Variants in ARHGAP44 observed in about 807,000 individuals in gnomAD.
ARHGAP44 encodes the protein Rho GTPase activating protein 44, also known as rho GTPase-activating protein 44.
ARHGAP44 carries 43 observed loss-of-function variants against 106.8 expected under a neutral mutation model. The observed-to-expected ratio is 0.40, with a 90% CI of 0.32 to 0.52. The LOEUF is 0.52. Ranked by LOEUF, ARHGAP44 falls within the 20% of genes least tolerant of loss-of-function variation. The probability of loss-of-function intolerance (pLI) is 0.48; values close to 1 mark genes in which losing one functional copy is unlikely to be tolerated. For missense variants in ARHGAP44, 866 were observed against 1,050.5 expected (o/e 0.82, Z 2.43); for synonymous variants, 439 against 410.3 (o/e 1.07, Z -0.85).
intron 7 of ARHGAP44, among the ~76,000 whole-genome samples, chr17:12,936,397 T>G (rs1421031168): frequency 6.6e-6 from 1 of 152,248 alleles, no homozygotes; most frequent in Non-Finnish European, 1.5e-5. Context: ...CTTTTTATTG[T>G]TTACATGCTT....
At chr17:12,989,333 A>G (rs1202789783) in intron 20 of ARHGAP44, among the ~76,000 whole-genome samples, 1 of 152,114 alleles carries the variant, frequency 6.6e-6, no homozygotes, top group African/African-American at 2.4e-5. Flanking sequence ...CTGCCAGTCT[A>G]AGGACTTCTG....
At chr17:12,900,582 C>G (rs1398642600) in intron 3 of ARHGAP44, among the ~76,000 whole-genome samples, 16 of 152,198 alleles carry the variant, frequency 1.1e-4, no homozygotes, top group Non-Finnish European at 2.4e-4. Context: ...GGAAGTGTTT[C>G]TCCACCTTAT....
At chr17:12,801,184 A>G (rs2034083360) in intron 1 of ARHGAP44, among the ~76,000 whole-genome samples, 1 of 152,242 alleles carries the variant, frequency 6.6e-6, no homozygotes, top group African/African-American at 2.4e-5. Context: ...GAAAACATAG[A>G]GTCTGAGAAA....
chr17:12,866,780 G>A (rs2036250216), intron 1 of ARHGAP44, among the ~76,000 whole-genome samples: 1 of 152,148 alleles, frequency 6.6e-6, no homozygotes. Context: ...CCCTGGGAAG[G>A]TAAATGTGTG....
At chr17:12,866,770 C>T (rs553418898) in intron 1 of ARHGAP44, among the ~76,000 whole-genome samples, 58 of 152,192 alleles carry the variant, frequency 3.8e-4, no homozygotes, top group South Asian at 1.9e-3. Flanking sequence ...GAGCTGTAGA[C>T]CCTGGGAAGG....
At chr17:12,794,126 A>G (rs1288956296) in intron 1 of ARHGAP44, among the ~76,000 whole-genome samples, 2 of 152,178 alleles carry the variant, frequency 1.3e-5, no homozygotes, top group African/African-American at 4.8e-5. Flanking sequence ...AGAGTCTAGC[A>G]GTTGCTGGAG....
At chr17:12,837,628 C>G (rs2035274976) in intron 1 of ARHGAP44, among the ~76,000 whole-genome samples, 1 of 151,062 alleles carries the variant, frequency 6.6e-6, no homozygotes. Flanking sequence ...AATCAGGCCA[C>G]TAAACCCATA....
At chr17:12,791,327 T>C (rs1330858707) in intron 1 of ARHGAP44, among the ~76,000 whole-genome samples, 2 of 152,168 alleles carry the variant, frequency 1.3e-5, no homozygotes. Flanking sequence ...TGCCTTTTGA[T>C]GTGTTGGATG....
At chr17:12,866,052 G>A (rs1461730862) in intron 1 of ARHGAP44, among the ~76,000 whole-genome samples, 1 of 152,142 alleles carries the variant, frequency 6.6e-6, no homozygotes, top group Non-Finnish European at 1.5e-5. Context: ...TGGGGTGGGA[G>A]TTGGGGGTGG....
At chr17:12,873,069 C>A (rs990500507) in intron 1 of ARHGAP44, among the ~76,000 whole-genome samples, 2 of 151,848 alleles carry the variant, frequency 1.3e-5, no homozygotes, top group African/African-American at 4.8e-5. Context: ...ATTTAATAGC[C>A]TTTCGTTGCT....
chr17:12,948,539 C>T (rs1347937549), intron 10 of ARHGAP44, among the ~76,000 whole-genome samples: 4 of 152,126 alleles, frequency 2.6e-5, no homozygotes, highest in East Asian at 1.9e-4. Context: ...GACATGGTGG[C>T]GGGTGCCTGT....
intron 1 of ARHGAP44, among the ~76,000 whole-genome samples, chr17:12,795,005 AT>A (rs3837824): frequency 0.28 from 43,126 of 152,022 alleles, 7,643 homozygotes; most frequent in African/African-American, 0.5. Context: ...TTAGAGGAAA[AT>A]CAGAACCAAT....
At position 12,990,175 on chromosome 17, in the gene ARHGAP44, G is replaced by T; in HGVS notation, c.*4G>T. ...GTCTGAGAGCACCGCCCTCTGACAT[G>T]ACACCGCCCATCCTGCCTCGCGTGT... On this transcript the variant is annotated 3_prime_UTR_variant, in exon 21 of 21. Transcript: ENST00000379672. 2 of 1,610,626 alleles carry T rather than the reference G, an allele frequency of 1.2e-6. No individual in the cohort carries two copies. The highest frequency in any genetic ancestry group is 8.5e-7 in the Non-Finnish European group (1 of 1,177,208).
intron 1 of ARHGAP44, among the ~76,000 whole-genome samples, chr17:12,802,957 ATATATATATATATTTTT>A (rs2034154860): frequency 4.0e-5 from 1 of 25,128 alleles, no homozygotes; most frequent in African/African-American, 5.5e-4. Flanking sequence ...ATATATATAT[ATATATATATATATTTTT>A]TTTTTTTTTT....
At chr17:12,854,607 A>G (rs950122639) in intron 1 of ARHGAP44, among the ~76,000 whole-genome samples, 4 of 152,338 alleles carry the variant, frequency 2.6e-5, no homozygotes, top group African/African-American at 7.2e-5. Flanking sequence ...GACATGCTCT[A>G]TGGAAGACAT....
chr17:12,789,835 C>A lies in ARHGAP44; in HGVS notation c.-4C>A. 1 of 1,510,826 alleles carries A rather than the reference C, an allele frequency of 6.6e-7. No homozygotes were observed. Among genetic ancestry groups the A allele is most frequent in the Non-Finnish European group, 8.8e-7 (1 of 1,131,830 alleles). 93.6% of individuals were successfully genotyped at this position (1,510,826 alleles called of 1,614,324 possible). Reference sequence around the variant, plus strand: ...TCCCGGGCTAGCGCGGCAGCGGGGCCACGATGAAGAAGCAGTTCAATCGCA... The same window carrying A: ...TCCCGGGCTAGCGCGGCAGCGGGGCAACGATGAAGAAGCAGTTCAATCGCA... On this transcript the variant is annotated 5_prime_UTR_variant, in exon 1 of 21. Coordinates refer to ENST00000379672, the MANE Select transcript of ARHGAP44 (RefSeq NM_014859.6).
chr17:12,906,155 G>A (rs1424282556), intron 3 of ARHGAP44, among the ~76,000 whole-genome samples: 1 of 152,152 alleles, frequency 6.6e-6, no homozygotes, highest in Non-Finnish European at 1.5e-5. Context: ...CTTAAGTTAT[G>A]CCCTCTCTGT....
chr17:12,919,625 A>G (rs2038017395), intron 5 of ARHGAP44, 130 bp from the exon 6 acceptor site: 1 of 623,406 alleles, frequency 1.6e-6, no homozygotes, highest in Admixed American at 3.4e-5. Context: ...ACCTCAGGTG[A>G]TCCACCTGCC....
chr17:12,878,142 T>C (rs1227828543), intron 1 of ARHGAP44, among the ~76,000 whole-genome samples: 1 of 152,244 alleles, frequency 6.6e-6, no homozygotes, highest in African/African-American at 2.4e-5. Flanking sequence ...TGCAGACCTT[T>C]TCAGAGCCTT....
Sources: allele counts gnomAD v4.1 joint callset (sites outside exome capture counted in the v4.1 genomes callset), GRCh38; gene constraint gnomAD v4.1.1; transcripts MANE v1.5; gene names NCBI Gene and HGNC (gene_info 2026-07-23, HGNC 2026-07-21).